Variants in DNAH8 observed in about 807,000 individuals in gnomAD.
DNAH8 encodes the protein axonemal beta dynein heavy chain 8.
A neutral mutation model predicts 562.1 loss-of-function variants in DNAH8; 382 were observed. That is an observed-to-expected ratio of 0.68 (90% CI 0.63 to 0.74). DNAH8 has a LOEUF of 0.74. Among genes scored for constraint, DNAH8 ranks in the 30% least tolerant of loss-of-function variants. The pLI, the probability that DNAH8 is intolerant of heterozygous loss-of-function variation, is 0.00. For missense variants in DNAH8, 5,203 were observed against 5,620.4 expected, an observed-to-expected ratio of 0.93 and a Z score of 2.37; for synonymous variants, 1,881 against 1,919.4, an observed-to-expected ratio of 0.98 and a Z score of 0.52.
At chr6:38,732,705 A>G (rs1225053570) in intron 4 of DNAH8, among the ~76,000 whole-genome samples, 1 of 152,044 alleles carries the variant, frequency 6.6e-6, no homozygotes, top group Non-Finnish European at 1.5e-5. Flanking sequence ...ATGTGTATTC[A>G]TTCAAGGTTT....
chr6:38,866,855 T>C lies in DNAH8; in HGVS notation c.6672T>C (p.Cys2224=). 6.2e-7 allele frequency: 1 copy of C among 1,609,486 alleles called. No individual in the cohort carries two copies. The highest frequency in any genetic ancestry group is 8.5e-7 in the Non-Finnish European group (1 of 1,176,540). The stretch of plus-strand genomic sequence containing the variant: ...AATTTTACGTTCTTTACAAACTCTG[T>C]GAAGAGCAACTTACTAAACAGGTAA... ...AQKFYVLYKL[C]EEQLTKQVHY... is the part of the protein sequence containing the mutation. Residue 2224 remains cysteine (C), a synonymous_variant, in exon 47 of 93, where the codon TGT becomes TGC. Coordinates refer to ENST00000327475, the MANE Select transcript of DNAH8 (RefSeq NM_001206927.2).
chr6:38,805,926 AGTT>A (rs1771234053), intron 23 of DNAH8, among the ~76,000 whole-genome samples: 1 of 152,210 alleles, frequency 6.6e-6, no homozygotes, highest in African/African-American at 2.4e-5. Context: ...CTTTGTTCTC[AGTT>A]GTTGTGTTTA....
chr6:38,870,625 A>G (rs1474573796), intron 49 of DNAH8, 63 bp downstream of exon 49: 2 of 1,478,760 alleles, frequency 1.4e-6, no homozygotes, highest in Non-Finnish European at 9.2e-7. Flanking sequence ...TCCTGTCTGA[A>G]TAGAAAAACT....
intron 17 of DNAH8, 51 bp downstream of exon 17, chr6:38,783,190 A>C: frequency 4.4e-6 from 7 of 1,578,696 alleles, no homozygotes; most frequent in Non-Finnish European, 6.1e-6. Flanking sequence ...GGTGATTTTG[A>C]ATGAGTTCAT....
chr6:38,733,835 C>G, intron 4 of DNAH8, among the ~76,000 whole-genome samples: 1 of 149,304 alleles, frequency 6.7e-6, no homozygotes, highest in African/African-American at 2.5e-5. Context: ...CGCTTGAACC[C>G]GGGAGGTGGA....
chr6:38,853,413 A>T lies in DNAH8; in HGVS notation c.5733+66A>T, dbSNP rs960027115. On this transcript the variant is annotated intron_variant, in intron 41 of 92. Coordinates refer to ENST00000327475, the MANE Select transcript of DNAH8 (RefSeq NM_001206927.2). ...GAAATAAAGGGGAAGGATGCTTAGC[A>T]GGTGGTTGACCTGATGGTGTGAGGC... 8 of 1,561,866 alleles carry T rather than the reference A, an allele frequency of 5.1e-6. No homozygotes were observed. In the Admixed American group the frequency reaches 1.4e-4, roughly 28 times the overall value.
rs150198579 is a variant in DNAH8, at chr6:38,808,996, G to A, written c.3257+1280G>A. Reference sequence around the variant, plus strand: ...AGAAGAAATACCTAATGTAGATGACGGGTTGATGGGTGCAGTAAACCACCA... The same window carrying A: ...AGAAGAAATACCTAATGTAGATGACAGGTTGATGGGTGCAGTAAACCACCA... On this transcript the variant is annotated intron_variant, in intron 24 of 92. Transcript: ENST00000327475. Among the ~76,000 whole-genome samples, 402 of 151,884 alleles carry A rather than the reference G, an allele frequency of 2.6e-3. 2 individuals carry two copies. The highest frequency in any genetic ancestry group is 0.01 in the Middle Eastern group (3 of 294).
chr6:39,012,226 T>A lies in DNAH8; in HGVS notation c.13383T>A (p.Arg4461=). Residue 4461 remains arginine (R), a synonymous_variant, in exon 90 of 93, where the codon CGT becomes CGA. Coordinates refer to ENST00000327475, the MANE Select transcript of DNAH8 (RefSeq NM_001206927.2). Reference sequence around the variant, plus strand: ...TTACTTTGTTTTAGGTGAAATCTCGTTTGATAAAGATGGGCCATCTTAATT... The same window carrying A: ...TTACTTTGTTTTAGGTGAAATCTCGATTGATAAAGATGGGCCATCTTAATT... ...PDYIPHEVKS[R]LIKMGHLNSM... is the part of the protein sequence containing the mutation. The A allele has an allele frequency of 6.2e-7, 1 of 1,605,110 alleles. No homozygotes were observed. Among genetic ancestry groups the A allele is most frequent in the Non-Finnish European group, 8.5e-7 (1 of 1,174,470 alleles).
intron 11 of DNAH8, among the ~76,000 whole-genome samples, chr6:38,764,979 T>C (rs900489556): frequency 1.3e-5 from 2 of 152,096 alleles, no homozygotes; most frequent in Non-Finnish European, 2.9e-5. Flanking sequence ...GGATTACAGA[T>C]GCCTGCCACC....
At chr6:38,742,738 A>G (rs1482977390) in intron 8 of DNAH8, among the ~76,000 whole-genome samples, 1 of 151,662 alleles carries the variant, frequency 6.6e-6, no homozygotes, top group East Asian at 1.9e-4. Context: ...ACCACCCACA[A>G]CTCTGTGTCC....
chr6:38,826,601 A>G (rs914261361), intron 29 of DNAH8, among the ~76,000 whole-genome samples: 1 of 152,190 alleles, frequency 6.6e-6, no homozygotes, highest in African/African-American at 2.4e-5. Context: ...ATACAAAGGA[A>G]TGTTAATATA....
At chr6:38,801,985 C>T (rs559251480) in intron 21 of DNAH8, among the ~76,000 whole-genome samples, 45 of 152,110 alleles carry the variant, frequency 3.0e-4, no homozygotes, top group African/African-American at 1.0e-3. Context: ...GCTCTGTTGC[C>T]CAGGCTGGAA....
At chr6:38,856,889 G>A (rs1776247660) in intron 41 of DNAH8, among the ~76,000 whole-genome samples, 2 of 151,960 alleles carry the variant, frequency 1.3e-5, no homozygotes, top group African/African-American at 4.8e-5. Flanking sequence ...GTGAGGGTGG[G>A]GCATGCTCAG....
At position 38,915,260 on chromosome 6, in the gene DNAH8, G is replaced by A. The variant is rs139640976; in HGVS notation, c.10023G>A (p.Gln3341=). Residue 3341 remains glutamine (Q), a synonymous_variant, in exon 68 of 93, where the codon CAG becomes CAA. Coordinates refer to ENST00000327475, the MANE Select transcript of DNAH8 (RefSeq NM_001206927.2). ...QASAKIKNEV[Q]EVKDKAQKIV... is the part of the protein sequence containing the mutation. ...CAGCCAAAATTAAAAATGAAGTACA[G>A]GAGGTAAAGGACAAAGCCCAAAAAA... 3.1e-6 allele frequency: 5 copies of A among 1,611,030 alleles called. No individual in the cohort carries two copies. The African/African-American group carries it at 6.7e-5, about 22-fold the overall frequency.
intron 44 of DNAH8, among the ~76,000 whole-genome samples, chr6:38,863,052 G>A (rs1053809713): frequency 6.6e-6 from 1 of 152,028 alleles, no homozygotes; most frequent in Non-Finnish European, 1.5e-5. Context: ...TCTCTAGCTC[G>A]GACTTCTTGA....
chr6:38,875,410 G>T (rs1777916255), intron 52 of DNAH8, among the ~76,000 whole-genome samples, 181 bp from the exon 53 acceptor site: 1 of 152,146 alleles, frequency 6.6e-6, no homozygotes, highest in Non-Finnish European at 1.5e-5. Flanking sequence ...CATGCTGCCT[G>T]TCTAAAACAG....
At position 38,842,375 on chromosome 6, in the gene DNAH8, C is replaced by T; in HGVS notation, c.4474C>T (p.Leu1492Phe). The T allele has an allele frequency of 1.9e-6, 3 of 1,597,866 alleles. No individual in the cohort carries two copies. The highest frequency in any genetic ancestry group is 1.7e-6 in the Non-Finnish European group (2 of 1,174,574). ...YEVLHKTRKE[L>F]NLLQKLYGLY... ...AGTTACTTTGTTTCCCAGAAAAGAACTCAACTTGCTGCAGAAGCTGTATGG... is the reference window on the plus strand; with the variant it reads ...AGTTACTTTGTTTCCCAGAAAAGAATTCAACTTGCTGCAGAAGCTGTATGG... The change falls in exon 34 of 93, where the codon CTC becomes TTC. Residue 1492 changes from leucine (L) to phenylalanine (F), a missense_variant. This residue lies in a region of DNAH8 where 2,176 missense variants were observed against 2,365.1 expected (regional missense o/e 0.92). Coordinates refer to ENST00000327475, the MANE Select transcript of DNAH8 (RefSeq NM_001206927.2).
chr6:38,756,103 A>G (rs529215716), intron 10 of DNAH8, 24 bp downstream of exon 10: 5 of 1,374,356 alleles, frequency 3.6e-6, no homozygotes, highest in African/African-American at 1.4e-5. Flanking sequence ...GGAGGAAATT[A>G]CATGTCATCC....
chr6:38,991,028 T>C (rs556282459), intron 88 of DNAH8, among the ~76,000 whole-genome samples: 3 of 152,358 alleles, frequency 2.0e-5, no homozygotes, highest in South Asian at 4.1e-4. Context: ...TCCTCTCTCC[T>C]AGTCCCTGGC....
Sources: gnomAD v4.1 joint callset for allele counts (sites outside exome capture counted in the v4.1 genomes callset) on GRCh38, gnomAD v4.1.1 for gene constraint, gnomAD v4.1.1 regional missense constraint, MANE v1.5 for transcripts, NCBI Gene and HGNC (gene_info 2026-07-23, HGNC 2026-07-21) for gene names.